ATP6V0A2: variants seen among roughly 807,000 people sequenced by gnomAD.
ATP6V0A2 encodes the protein V-type proton ATPase 116 kDa subunit a 2.
A neutral mutation model predicts 104.4 loss-of-function variants in ATP6V0A2; 58 were observed. The observed-to-expected ratio is 0.56, with a 90% CI of 0.45 to 0.69. ATP6V0A2 has a LOEUF of 0.69. ATP6V0A2 is among the 30% of genes least tolerant of loss of function. The pLI is 0.00. For missense variants in ATP6V0A2, 938 were observed against 1,062.9 expected, an observed-to-expected ratio of 0.88 and a Z score of 1.63; for synonymous variants, 376 against 397.9, an observed-to-expected ratio of 0.95 and a Z score of 0.65.
chr12:123,746,779 T>G (rs1424259174), intron 13 of ATP6V0A2, among the ~76,000 whole-genome samples: 5 of 151,692 alleles, frequency 3.3e-5, no homozygotes, highest in Non-Finnish European at 7.4e-5. Flanking sequence ...AAACCCTTTC[T>G]CTACTAAAAA....
intron 2 of ATP6V0A2, 121 bp from the exon 3 acceptor site, chr12:123,722,230 T>G: frequency 1.3e-6 from 1 of 771,258 alleles, no homozygotes; most frequent in East Asian, 2.7e-5. Context: ...CAAGCAAGAT[T>G]TTTGTGCATT....
rs1203087534 is a variant in ATP6V0A2, at chr12:123,761,730, CAAAT to C, written c.*3704_*3707del. ...GTATTTAACTTCCTTTTGCTAATGA[CAAAT>C]AAATATATCTATATTTTTAAACGTG... On this transcript the variant is annotated 3_prime_UTR_variant, in exon 20 of 20. Transcript: ENST00000330342. 6.6e-5 allele frequency: 10 copies of C among 152,260 alleles called. No homozygotes were observed. The highest frequency in any genetic ancestry group is 2.2e-4 in the African/African-American group (9 of 41,558). The allele number at this position is 152,260 out of a possible 1,614,324, so 9.4% of individuals were successfully genotyped here.
rs751698448 is a variant in ATP6V0A2 at position 123,754,430 on chromosome 12, G to A, written c.2186G>A (p.Gly729Glu). The A allele has an allele frequency of 1.6e-5, 25 of 1,610,786 alleles. No homozygotes were observed. The highest frequency in any genetic ancestry group is 2.1e-5 in the Non-Finnish European group (25 of 1,177,132). ...REMACEEFNF[G>E]EILMTQVIHS... ...TGTGATCTCTCTCAGTTTAATTTTG[G>A]AGAAATATTAATGACCCAAGTAATC... The change falls in exon 18 of 20, where the codon GGA becomes GAA. Residue 729 changes from glycine to glutamate, a missense_variant. Coordinates refer to ENST00000330342, the MANE Select transcript of ATP6V0A2 (RefSeq NM_012463.4).
intron 1 of ATP6V0A2, among the ~76,000 whole-genome samples, chr12:123,716,279 C>A (rs1167905456): frequency 6.6e-6 from 1 of 152,052 alleles, no homozygotes; most frequent in Non-Finnish European, 1.5e-5. Context: ...GTTGGCCAGG[C>A]TGGTCTCCAA....
In ATP6V0A2 at chr12:123,748,676, G is replaced by C; in HGVS notation, c.1826G>C (p.Trp609Ser). The change falls in exon 15 of 20, where the codon TGG becomes TCG. Residue 609 changes from tryptophan (W) to serine (S), a missense_variant. Physicochemically the swap from Trp to Ser is radical, Grantham distance 177. Transcript: ENST00000330342. ...CTTATATTTATGATTTTCTACAAGT[G>C]GCTGGTTTTTTCAGCAGAAACCTCC... ...GYLIFMIFYK[W>S]LVFSAETSRV... is the part of the protein sequence containing the mutation. 6.2e-7 allele frequency: 1 copy of C among 1,614,040 alleles called. No individual in the cohort carries two copies. Among genetic ancestry groups the C allele is most frequent in the East Asian group, 2.2e-5 (1 of 44,890 alleles).
intron 15 of ATP6V0A2, chr12:123,749,926 T>C (rs1325397593): frequency 1.3e-5 from 2 of 152,380 alleles, no homozygotes; most frequent in African/African-American, 2.4e-5. Flanking sequence ...TAAGTCAGAT[T>C]TGAAGCTCAA....
At position 123,712,485 on chromosome 12, in the gene ATP6V0A2, C is replaced by T. The variant is rs1593877801; in HGVS notation, c.-81C>T. 1.1e-6 allele frequency: 1 copy of T among 898,070 alleles called. No individual in the cohort carries two copies. Among genetic ancestry groups the T allele is most frequent in the Non-Finnish European group, 1.6e-6 (1 of 635,044 alleles). The allele number at this position is 898,070 out of a possible 1,614,324, so 55.6% of individuals were successfully genotyped here. A position where few individuals can be genotyped will look rare whatever the true frequency, so the allele number is the denominator to read the frequency against. ...CACAGGAAGAGCTCGAGGCCCGGGC[C>T]GCACCGGCTGAGTGTGCGGGCCCGC... On this transcript the variant is annotated 5_prime_UTR_variant, in exon 1 of 20. Coordinates refer to ENST00000330342, the MANE Select transcript of ATP6V0A2 (RefSeq NM_012463.4).
At position 123,717,467 on chromosome 12, in the gene ATP6V0A2, C is replaced by T. The variant is rs537149525; in HGVS notation, c.118-1156C>T. 2.4e-4 allele frequency among the ~76,000 whole-genome samples: 34 copies of T among 138,812 alleles called. 2 individuals are homozygous for T. In the South Asian group the frequency reaches 7.6e-3, roughly 31 times the overall value. The allele number at this position is 138,812 out of a possible 152,430, so 91.1% of individuals were successfully genotyped here. On this transcript the variant is annotated intron_variant, in intron 1 of 19. Transcript: ENST00000330342. ...CTTTCTTTTTTTTTTTTTTTTGAGA[C>T]AGGCTCTTGCTTTGTCACCCAGGCT...
At chr12:123,731,081 T>C (rs189167139) in intron 6 of ATP6V0A2, 1 of 152,328 alleles carries the variant, frequency 6.6e-6, no homozygotes, top group Admixed American at 6.5e-5. Context: ...TGGATAGATG[T>C]ATATCTTGAA....
At chr12:123,717,246 C>T (rs927523751) in intron 1 of ATP6V0A2, among the ~76,000 whole-genome samples, 2 of 143,178 alleles carry the variant, frequency 1.4e-5, no homozygotes, top group Non-Finnish European at 3.0e-5. Context: ...ACCTGGAAGG[C>T]GAAGGTTGCA....
At chr12:123,743,663 CAA>C in intron 9 of ATP6V0A2, 120 bp from the exon 10 acceptor site, 1 of 1,113,054 alleles carries the variant, frequency 9.0e-7, no homozygotes, top group Non-Finnish European at 1.3e-6. Flanking sequence ...CAAAAAAAAA[CAA>C]AACAAAACAA....
At chr12:123,731,371 C>G (rs1956500004) in intron 6 of ATP6V0A2, 1 of 152,232 alleles carries the variant, frequency 6.6e-6, no homozygotes, top group South Asian at 2.1e-4. Context: ...ACCTTAGAGA[C>G]TATTTTTAGC....
In ATP6V0A2 at chr12:123,760,052, C is replaced by G. The variant is rs1057375520; in HGVS notation, c.*2020C>G. The G allele has an allele frequency of 2.0e-5, 3 of 152,172 alleles. No individual in the cohort carries two copies. Among genetic ancestry groups the G allele is most frequent in the Non-Finnish European group, 2.9e-5 (2 of 68,018 alleles). The allele number at this position is 152,172 out of a possible 1,614,324, so 9.4% of individuals were successfully genotyped here. A position where few individuals can be genotyped will look rare whatever the true frequency, so the allele number is the denominator to read the frequency against. On this transcript the variant is annotated 3_prime_UTR_variant, in exon 20 of 20. Coordinates refer to ENST00000330342, the MANE Select transcript of ATP6V0A2 (RefSeq NM_012463.4). ...CTTCCACAAGGGGACATTTGTGTTA[C>G]TTTGCTCCAGGGGTCTGTCATAAAA...
intron 9 of ATP6V0A2, 131 bp downstream of exon 9, chr12:123,737,402 T>C (rs1956566355): frequency 5.5e-6 from 5 of 906,876 alleles, no homozygotes; most frequent in Admixed American, 2.1e-5. Context: ...TCTTTTGTTT[T>C]TTTAAAATAT....
chr12:123,722,559 A>T (rs930692014), intron 3 of ATP6V0A2, 111 bp downstream of exon 3: 1 of 735,546 alleles, frequency 1.4e-6, no homozygotes, highest in Non-Finnish European at 2.5e-6. Flanking sequence ...ACTATGGAAG[A>T]TGGTGATCTC....
intron 2 of ATP6V0A2, among the ~76,000 whole-genome samples, chr12:123,720,027 A>C (rs1045456619): frequency 2.6e-5 from 4 of 152,066 alleles, no homozygotes; most frequent in African/African-American, 9.7e-5. Context: ...CAATAAACTT[A>C]CTCACCTGAC....
intron 9 of ATP6V0A2, among the ~76,000 whole-genome samples, chr12:123,737,939 A>C (rs1454674718): frequency 1.3e-5 from 2 of 152,172 alleles, no homozygotes; most frequent in Non-Finnish European, 2.9e-5. Context: ...TGGTTTATTT[A>C]ACTAGTTTTC....
At chr12:123,755,303 C>T (rs376574203) in intron 18 of ATP6V0A2, among the ~76,000 whole-genome samples, 13 of 151,726 alleles carry the variant, frequency 8.6e-5, no homozygotes, top group African/African-American at 2.7e-4. Context: ...TTGGGGGGCC[C>T]GAGGCAGGTG....
intron 13 of ATP6V0A2, among the ~76,000 whole-genome samples, chr12:123,745,472 C>T (rs559420506): frequency 6.6e-4 from 100 of 151,994 alleles, no homozygotes; most frequent in African/African-American, 2.3e-3. Flanking sequence ...TTTGGGAGGC[C>T]GAGGCGGGCA....
Sources: gnomAD v4.1 joint callset for allele counts (sites outside exome capture counted in the v4.1 genomes callset) on GRCh38, gnomAD v4.1.1 for gene constraint, MANE v1.5 for transcripts, NCBI Gene and HGNC (gene_info 2026-07-23, HGNC 2026-07-21) for gene names.